The following NOXRED1 variants were observed in gnomAD, a reference collection of about 807,000 sequenced individuals.
NOXRED1 encodes the protein NADP dependent oxidoreductase domain containing 1.
A neutral mutation model predicts 30.4 loss-of-function variants in NOXRED1; 20 were observed. The observed-to-expected ratio is 0.66, with a 90% CI of 0.46 to 0.96. The LOEUF (loss-of-function observed/expected upper bound fraction) is 0.96. Ranked by LOEUF, NOXRED1 falls within the 40% of genes least tolerant of loss-of-function variation. The pLI, the probability that NOXRED1 is intolerant of heterozygous loss-of-function variation, is 0.00. For synonymous variants in NOXRED1, 155 were observed against 168.0 expected (o/e 0.92, Z 0.60); for missense variants, 374 against 428.0 (o/e 0.87, Z 1.11).
At chr14:77,421,319 T>G (rs1329831386) in intron 1 of NOXRED1, among the ~76,000 whole-genome samples, 1 of 152,198 alleles carries the variant, frequency 6.6e-6, no homozygotes, top group East Asian at 1.9e-4. Flanking sequence ...GACCATATAT[T>G]GTTGTTAAGT....
intron 2 of NOXRED1, among the ~76,000 whole-genome samples, chr14:77,411,557 G>A (rs1292374267): frequency 6.6e-6 from 1 of 151,574 alleles, no homozygotes; most frequent in Non-Finnish European, 1.5e-5. Context: ...ACTACAAACT[G>A]TATGATTCCA....
At chr14:77,414,151 G>T in intron 1 of NOXRED1, 24 bp from the exon 2 acceptor site, 4 of 1,405,608 alleles carry the variant, frequency 2.8e-6, no homozygotes, top group Non-Finnish European at 3.9e-6. Flanking sequence ...ACACAGACAC[G>T]TACATAAATA....
In NOXRED1 at chr14:77,396,528, C is replaced by G. The variant is rs559230851; in HGVS notation, c.906-1723G>C. 3.3e-5 allele frequency among the ~76,000 whole-genome samples: 5 copies of G among 152,254 alleles called. No individual in the cohort carries two copies. The East Asian group carries it at 7.7e-4, about 24-fold the overall frequency. ...CCTCCCAAAGTGCTGGGATTACAGG[C>G]ATGAGCCACCGCACCCAGCCCAAGG... On this transcript the variant is annotated intron_variant, in intron 5 of 5. Transcript: ENST00000380835.
intron 5 of NOXRED1, among the ~76,000 whole-genome samples, chr14:77,402,451 C>T (rs1894353230): frequency 6.6e-6 from 1 of 151,984 alleles, no homozygotes; most frequent in African/African-American, 2.4e-5. Context: ...CATGGAGAAA[C>T]CTCATCTCTA....
In NOXRED1 at chr14:77,412,303, T is replaced by G. The variant is rs536782248; in HGVS notation, c.349+1631A>C. ...TAATCTCTTACTAATATAATTAAAA[T>G]TTTAAATCCTGAGATGAAAACAGAG... On this transcript the variant is annotated intron_variant, in intron 2 of 5. Coordinates refer to ENST00000380835, the MANE Select transcript of NOXRED1 (RefSeq NM_001113475.3). Among the ~76,000 whole-genome samples, 20 of 152,176 alleles carry G rather than the reference T, an allele frequency of 1.3e-4. No individual in the cohort carries two copies. The South Asian group carries it at 3.7e-3, about 28-fold the overall frequency.
intron 5 of NOXRED1, among the ~76,000 whole-genome samples, chr14:77,397,956 C>T (rs537307502): frequency 2.0e-5 from 3 of 151,772 alleles, no homozygotes; most frequent in Non-Finnish European, 2.9e-5. Flanking sequence ...GCCACTCTAT[C>T]CTAACAATAA....
chr14:77,395,633 C>A (rs1024589360), intron 5 of NOXRED1, among the ~76,000 whole-genome samples: 12 of 151,760 alleles, frequency 7.9e-5, no homozygotes, highest in Non-Finnish European at 1.5e-5. Context: ...GAGACCTCAT[C>A]TGTACAAATT....
chr14:77,406,623 ACACACACACAC>A (rs1894466619), intron 4 of NOXRED1, 90 bp downstream of exon 4: 1 of 630,444 alleles, frequency 1.6e-6, no homozygotes, highest in Admixed American at 3.6e-5. Flanking sequence ...ACACACACAC[ACACACACACAC>A]AGAGAGAGAG....
intron 2 of NOXRED1, among the ~76,000 whole-genome samples, chr14:77,411,921 G>A (rs973758138): frequency 3.3e-5 from 5 of 151,942 alleles, no homozygotes; most frequent in Admixed American, 1.3e-4. Context: ...GTGAAACCCC[G>A]TCTCTACTAA....
At chr14:77,425,895 G>A (rs1380123267), upstream of NOXRED1, among the ~76,000 whole-genome samples, 2 of 152,236 alleles carry the variant, frequency 1.3e-5, no homozygotes, top group South Asian at 2.1e-4. Flanking sequence ...TGCCTTCTAT[G>A]ACTTCACCCA....
Position 77,407,237 on chromosome 14 carries a change from A to T in NOXRED1, c.530+228T>A, listed in dbSNP as rs561219442. Among the ~76,000 whole-genome samples, 4 of 152,318 alleles carry T rather than the reference A, an allele frequency of 2.6e-5. No homozygotes were observed. The East Asian group carries it at 7.7e-4, about 29-fold the overall frequency. Reference sequence around the variant, plus strand: ...AATAAATGTTCTATTGCAATTTTAAACCTTTGTACAGCAACAAAAATGGTT... The same window carrying T: ...AATAAATGTTCTATTGCAATTTTAATCCTTTGTACAGCAACAAAAATGGTT... On this transcript the variant is annotated intron_variant, in intron 3 of 5. Transcript: ENST00000380835.
intron 5 of NOXRED1, among the ~76,000 whole-genome samples, chr14:77,397,471 A>G (rs115365903): frequency 0.026 from 4,004 of 152,308 alleles, 181 homozygotes; most frequent in African/African-American, 0.092. Flanking sequence ...TGGCTGTGAT[A>G]TTGTGCTACA....
At chr14:77,416,477 T>A (rs927349152) in intron 1 of NOXRED1, among the ~76,000 whole-genome samples, 8 of 152,144 alleles carry the variant, frequency 5.3e-5, no homozygotes, top group African/African-American at 1.9e-4. Flanking sequence ...CATTCAACCC[T>A]GAGTGGATAC....
intron 5 of NOXRED1, among the ~76,000 whole-genome samples, chr14:77,405,149 C>A (rs1248263027): frequency 6.6e-6 from 1 of 152,200 alleles, no homozygotes; most frequent in Non-Finnish European, 1.5e-5. Context: ...AATCCCAGCA[C>A]TTTGGTAGGC....
intron 5 of NOXRED1, among the ~76,000 whole-genome samples, chr14:77,401,507 G>A (rs558385122): frequency 8.5e-5 from 13 of 152,268 alleles, no homozygotes; most frequent in African/African-American, 2.9e-4. Context: ...ACCAGCCTGG[G>A]CAACATAGCA....
intron 5 of NOXRED1, among the ~76,000 whole-genome samples, chr14:77,396,645 A>C (rs1474952980): frequency 1.3e-5 from 2 of 152,238 alleles, no homozygotes; most frequent in African/African-American, 4.8e-5. Context: ...TTTATATACA[A>C]TAGTGATAAA....
At chr14:77,417,250 AAAAG>A (rs1894854950) in intron 1 of NOXRED1, among the ~76,000 whole-genome samples, 1 of 152,086 alleles carries the variant, frequency 6.6e-6, no homozygotes, top group South Asian at 2.1e-4. Flanking sequence ...TGTGCACTTG[AAAAG>A]AACGTGTATT....
rs1894135480 is a variant in NOXRED1 at position 77,394,736 on chromosome 14, A to G, written c.975T>C (p.Ser325=). 1 of 1,613,298 alleles carries G rather than the reference A, an allele frequency of 6.2e-7. No individual in the cohort carries two copies. The highest frequency in any genetic ancestry group is 1.1e-5 in the South Asian group (1 of 91,070). Residue 325 remains serine (S), a synonymous_variant, in exon 6 of 6, where the codon AGT becomes AGC. Coordinates refer to ENST00000380835, the MANE Select transcript of NOXRED1 (RefSeq NM_001113475.3). ...TAAGGTGGTCTTGGAGAACAGGACTACTTGAGAGATGCTGGCTAAACGGAG... is the reference window on the plus strand; with the variant it reads ...TAAGGTGGTCTTGGAGAACAGGACTGCTTGAGAGATGCTGGCTAAACGGAG... The part of the protein sequence containing the change: ...KETPFSQHLS[S]SPVLQDHLTH...
intron 1 of NOXRED1, among the ~76,000 whole-genome samples, chr14:77,415,804 C>T (rs1444962568): frequency 6.6e-6 from 1 of 151,664 alleles, no homozygotes; most frequent in African/African-American, 2.4e-5. Context: ...CCACCTCTCA[C>T]ATTCAAGCAA....
Sources: allele counts gnomAD v4.1 joint callset (sites outside exome capture counted in the v4.1 genomes callset), GRCh38; gene constraint gnomAD v4.1.1; transcripts MANE v1.5; gene names NCBI Gene and HGNC (gene_info 2026-07-23, HGNC 2026-07-21).